The following HYCC1 variants were observed in gnomAD, a reference collection of about 807,000 sequenced individuals.
The protein encoded by HYCC1 is hyccin.
At chr7:22,995,302 G>C in the HYCC1 span, among the ~76,000 whole-genome samples, 1 of 151,958 alleles carries the variant, frequency 6.6e-6, no homozygotes, top group Non-Finnish European at 1.5e-5. Context: ...GATGATCTTA[G>C]CTCCTAGCTC....
chr7:22,978,218 A>T, the HYCC1 span: 1 of 1,517,990 alleles, frequency 6.6e-7, no homozygotes, highest in Non-Finnish European at 9.1e-7. Context: ...TGCACAGGTT[A>T]TATATTTGAT....
chr7:22,961,281 T>A, the HYCC1 span: 1 of 1,608,286 alleles, frequency 6.2e-7, no homozygotes, highest in South Asian at 1.1e-5. Context: ...GTATATAATA[T>A]CATCCAGTGC....
At chr7:22,979,503 A>G in the HYCC1 span, among the ~76,000 whole-genome samples, 1 of 152,184 alleles carries the variant, frequency 6.6e-6, no homozygotes, top group Non-Finnish European at 1.5e-5. Context: ...AAAAGTTTTT[A>G]GCGTAGGAAT....
the HYCC1 span, among the ~76,000 whole-genome samples, chr7:23,010,157 T>G: frequency 7.9e-5 from 12 of 152,344 alleles, no homozygotes; most frequent in Non-Finnish European, 1.0e-4. Context: ...ATATGCCAAC[T>G]TTGATGATGA....
the HYCC1 span, among the ~76,000 whole-genome samples, chr7:23,006,441 G>C: frequency 6.6e-6 from 1 of 151,988 alleles, no homozygotes; most frequent in Non-Finnish European, 1.5e-5. Context: ...TAATTATTTT[G>C]TATTTTTAGT....
chr7:22,947,807 A>G, the HYCC1 span, among the ~76,000 whole-genome samples: 1 of 152,204 alleles, frequency 6.6e-6, no homozygotes, highest in South Asian at 2.1e-4. Context: ...GCTTATTCAT[A>G]TATGATATCA....
At chr7:22,980,853 T>A in the HYCC1 span, among the ~76,000 whole-genome samples, 1 of 152,302 alleles carries the variant, frequency 6.6e-6, no homozygotes, top group East Asian at 1.9e-4. Context: ...CAACCTCTAC[T>A]CATAGGCCTG....
the HYCC1 span, chr7:23,014,036 C>G: frequency 4.2e-6 from 2 of 471,126 alleles, no homozygotes; most frequent in Non-Finnish European, 8.8e-6. Flanking sequence ...TGCTCCCCTT[C>G]TTCCTAGCAG....
chr7:22,976,345 T>C, the HYCC1 span: 1 of 1,448,786 alleles, frequency 6.9e-7, no homozygotes, highest in South Asian at 1.1e-5. Flanking sequence ...ATCTTTAGAA[T>C]TCTAAGAAGT....
the HYCC1 span, chr7:22,978,537 T>TA: frequency 9.3e-7 from 1 of 1,070,972 alleles, no homozygotes; most frequent in Admixed American, 2.0e-5. Context: ...CTCAGATTGG[T>TA]AAAAATCATA....
the HYCC1 span, among the ~76,000 whole-genome samples, chr7:22,981,502 C>G: frequency 1.3e-5 from 2 of 152,254 alleles, no homozygotes; most frequent in South Asian, 4.1e-4. Context: ...TTTAGAAGCA[C>G]TTCCAAATAT....
chr7:22,911,498 G>A, the HYCC1 span, among the ~76,000 whole-genome samples: 2 of 152,142 alleles, frequency 1.3e-5, no homozygotes, highest in South Asian at 2.1e-4. Flanking sequence ...AGTGGCTCAC[G>A]CCTGTAATCT....
chr7:22,901,801 A>G, the HYCC1 span, among the ~76,000 whole-genome samples: 1 of 152,210 alleles, frequency 6.6e-6, no homozygotes, highest in Non-Finnish European at 1.5e-5. Context: ...AACCAAATTA[A>G]AGGGAGAAAC....
the HYCC1 span, chr7:22,964,375 A>G: frequency 8.8e-7 from 1 of 1,141,382 alleles, no homozygotes; most frequent in African/African-American, 1.5e-5. Context: ...AATTTTCCAA[A>G]GAAATTAAAT....
At chr7:22,941,879 C>T in the HYCC1 span, 1 of 152,086 alleles carries the variant, frequency 6.6e-6, no homozygotes, top group Non-Finnish European at 1.5e-5. Context: ...TGGGAGGACA[C>T]TATTATACAT....
the HYCC1 span, among the ~76,000 whole-genome samples, chr7:22,925,529 A>G: frequency 6.6e-6 from 1 of 152,258 alleles, no homozygotes. Context: ...GAACTACGTG[A>G]CAAATGCACA....
At chr7:22,942,283 T>C in the HYCC1 span, 41 of 152,276 alleles carry the variant, frequency 2.7e-4, no homozygotes, top group African/African-American at 9.1e-4. Flanking sequence ...CAATGAAATA[T>C]TGCTTTTTCA....
the HYCC1 span, among the ~76,000 whole-genome samples, chr7:22,999,135 C>T: frequency 6.6e-6 from 1 of 152,150 alleles, no homozygotes; most frequent in South Asian, 2.1e-4. Flanking sequence ...ATAATCTTGA[C>T]TTAGAAAACC....
the HYCC1 span, among the ~76,000 whole-genome samples, chr7:22,996,864 A>T: frequency 6.6e-6 from 1 of 152,162 alleles, no homozygotes; most frequent in South Asian, 2.1e-4. Flanking sequence ...AAGCTTTATA[A>T]ATCTAATTAG....
Sources: gnomAD v4.1 joint callset for allele counts (sites outside exome capture counted in the v4.1 genomes callset) on GRCh38, gnomAD v4.1.1 for gene constraint, MANE v1.5 for transcripts, NCBI Gene and HGNC (gene_info 2026-07-23, HGNC 2026-07-21) for gene names.